Variants in ROBO1 observed in about 807,000 individuals in gnomAD.
ROBO1 encodes the protein roundabout guidance receptor 1.
Under a neutral mutation model 195.9 loss-of-function variants are expected in ROBO1, and 149 were observed. The ratio of observed to expected loss-of-function variants is 0.76; its 90% CI spans 0.67 to 0.87. The LOEUF (loss-of-function observed/expected upper bound fraction) is 0.87. Among genes scored for constraint, ROBO1 ranks in the 40% least tolerant of loss-of-function variants. The pLI is 0.00. For missense variants in ROBO1, 1,933 were observed against 2,068.3 expected (o/e 0.93, Z 1.27); for synonymous variants, 816 against 733.2 (o/e 1.11, Z -1.82).
intron 3 of ROBO1, among the ~76,000 whole-genome samples, chr3:78,972,922 C>T (rs754083553): frequency 6.6e-6 from 1 of 152,100 alleles, no homozygotes; most frequent in Non-Finnish European, 1.5e-5. Flanking sequence ...TTGTGAGATG[C>T]CAAGCATCAT....
At chr3:79,636,531 A>G (rs1054573855) in intron 1 of ROBO1, among the ~76,000 whole-genome samples, 1 of 152,082 alleles carries the variant, frequency 6.6e-6, no homozygotes, top group African/African-American at 2.4e-5. Flanking sequence ...AGCCTGTCAT[A>G]AAGTGATTCT....
chr3:79,692,808 C>T (rs1276893518), intron 1 of ROBO1, among the ~76,000 whole-genome samples: 1 of 151,662 alleles, frequency 6.6e-6, no homozygotes, highest in Non-Finnish European at 1.5e-5. Context: ...ATATTTGGGA[C>T]AAGAAGTGTG....
chr3:78,826,301 T>C (rs946426579), intron 4 of ROBO1, among the ~76,000 whole-genome samples: 16 of 152,186 alleles, frequency 1.1e-4, no homozygotes, highest in African/African-American at 3.6e-4. Context: ...ACATTATTGC[T>C]TAAATGAACT....
chr3:78,986,122 C>T lies in ROBO1; in HGVS notation c.173-47195G>A, dbSNP rs376470116. ...AGGGTGTAATCAGAGGCAGAGTTCA[C>T]GGGAAGGTCCAAGAAAATGAGAACC... On this transcript the variant is annotated intron_variant, in intron 3 of 30. Coordinates refer to ENST00000464233, the MANE Select transcript of ROBO1 (RefSeq NM_002941.4). 3.9e-5 allele frequency among the ~76,000 whole-genome samples: 6 copies of T among 152,216 alleles called. No homozygotes were observed. The East Asian group carries it at 7.7e-4, about 20-fold the overall frequency.
At chr3:79,514,138 G>A (rs1940842534) in intron 2 of ROBO1, among the ~76,000 whole-genome samples, 1 of 152,188 alleles carries the variant, frequency 6.6e-6, no homozygotes, top group South Asian at 2.1e-4. Flanking sequence ...AGAAAGAATA[G>A]CTTTCTAGAG....
intron 4 of ROBO1, among the ~76,000 whole-genome samples, chr3:78,896,788 A>C (rs329822): frequency 0.39 from 59,465 of 151,762 alleles, 12,374 homozygotes; most frequent in African/African-American, 0.54. Flanking sequence ...TTTTCTAGCC[A>C]GTTTCTTGTA....
intron 3 of ROBO1, among the ~76,000 whole-genome samples, chr3:78,972,137 C>T (rs1423552677): frequency 2.6e-5 from 4 of 152,128 alleles, no homozygotes; most frequent in Non-Finnish European, 5.9e-5. Flanking sequence ...AGGAACATAG[C>T]CATTGGTCAT....
chr3:79,536,866 G>A (rs923541058), intron 2 of ROBO1, among the ~76,000 whole-genome samples: 5 of 152,074 alleles, frequency 3.3e-5, no homozygotes, highest in African/African-American at 1.2e-4. Flanking sequence ...CATTCTTAAA[G>A]TCTGTGTCAC....
At chr3:79,042,435 T>C (rs1347150072) in intron 3 of ROBO1, among the ~76,000 whole-genome samples, 1 of 152,168 alleles carries the variant, frequency 6.6e-6, no homozygotes, top group Non-Finnish European at 1.5e-5. Context: ...TGACAAAGAT[T>C]AGACCCTGCT....
intron 2 of ROBO1, among the ~76,000 whole-genome samples, chr3:79,447,940 T>C (rs1257828890): frequency 6.6e-6 from 1 of 152,184 alleles, no homozygotes. Flanking sequence ...CTTCTACTAC[T>C]GCTACTGCTC....
At chr3:78,887,766 A>G (rs543362889) in intron 4 of ROBO1, among the ~76,000 whole-genome samples, 39 of 152,254 alleles carry the variant, frequency 2.6e-4, no homozygotes, top group Non-Finnish European at 4.3e-4. Flanking sequence ...TGTTAGGCTA[A>G]CCTGGTTGCT....
chr3:78,644,628 G>C (rs1706164326), intron 21 of ROBO1, among the ~76,000 whole-genome samples: 2 of 152,112 alleles, frequency 1.3e-5, no homozygotes, highest in Non-Finnish European at 1.5e-5. Context: ...TTGTGATATA[G>C]TGAGCTTTCC....
chr3:79,617,897 G>A lies in ROBO1; in HGVS notation c.-50-27936C>T, dbSNP rs1281923026. 3.9e-5 allele frequency among the ~76,000 whole-genome samples: 5 copies of A among 127,230 alleles called. No individual in the cohort carries two copies. The South Asian group carries it at 8.3e-4, about 21-fold the overall frequency. The allele number at this position is 127,230 out of a possible 152,430, so 83.5% of individuals were successfully genotyped here. ...CAGATAAACAATTCAAGTTATACATGAAAAATTGACTAAAGAGATATATTA... is the reference window on the plus strand; with the variant it reads ...CAGATAAACAATTCAAGTTATACATAAAAAATTGACTAAAGAGATATATTA... On this transcript the variant is annotated intron_variant, in intron 1 of 30. Transcript: ENST00000464233.
intron 1 of ROBO1, among the ~76,000 whole-genome samples, chr3:79,637,678 T>C (rs530096484): frequency 1.3e-5 from 2 of 152,242 alleles, no homozygotes; most frequent in African/African-American, 4.8e-5. Context: ...AAGATATATA[T>C]AAAGAGGATG....
At chr3:79,697,057 G>A (rs1226697461) in intron 1 of ROBO1, among the ~76,000 whole-genome samples, 1 of 151,286 alleles carries the variant, frequency 6.6e-6, no homozygotes, top group Non-Finnish European at 1.5e-5. Flanking sequence ...GGAAAAGAAA[G>A]GTAGCATGCA....
chr3:79,484,043 T>C (rs148859690), intron 2 of ROBO1, among the ~76,000 whole-genome samples: 114 of 152,244 alleles, frequency 7.5e-4, no homozygotes, highest in Non-Finnish European at 1.5e-3. Context: ...GAGGAACATT[T>C]AATATACCAC....
chr3:79,146,166 A>T (rs2080645057), intron 2 of ROBO1, among the ~76,000 whole-genome samples: 1 of 151,986 alleles, frequency 6.6e-6, no homozygotes, highest in Non-Finnish European at 1.5e-5. Flanking sequence ...AGCAATCCTA[A>T]ATATACAAAG....
chr3:79,041,720 A>C (rs1211055669), intron 3 of ROBO1, among the ~76,000 whole-genome samples: 1 of 152,072 alleles, frequency 6.6e-6, no homozygotes, highest in Non-Finnish European at 1.5e-5. Context: ...GATAGCCCTT[A>C]ATACTTTATT....
intron 2 of ROBO1, among the ~76,000 whole-genome samples, chr3:79,314,121 C>T (rs902961991): frequency 5.9e-5 from 9 of 152,144 alleles, no homozygotes; most frequent in African/African-American, 2.2e-4. Flanking sequence ...CATGCTCCTC[C>T]TTTAAAGGTT....
Sources: gnomAD v4.1 joint callset for allele counts (sites outside exome capture counted in the v4.1 genomes callset) on GRCh38, gnomAD v4.1.1 for gene constraint, MANE v1.5 for transcripts, NCBI Gene and HGNC (gene_info 2026-07-23, HGNC 2026-07-21) for gene names.